NOS1: variants seen among roughly 807,000 people sequenced by gnomAD.
NOS1 encodes the protein nitric oxide synthase 1.
A neutral mutation model predicts 164.5 loss-of-function variants in NOS1; 51 were observed. The observed-to-expected ratio is 0.31, with a 90% CI of 0.25 to 0.39. The LOEUF (loss-of-function observed/expected upper bound fraction) is 0.39. NOS1 is among the 10% of genes least tolerant of loss of function. The pLI is 1.00. For synonymous variants in NOS1, 719 were observed against 745.8 expected (o/e 0.96, Z 0.59); for missense variants, 1,362 against 1,885.6 (o/e 0.72, Z 5.14).
chr12:117,226,772 T>C lies in NOS1; in HGVS notation c.3617-2A>G. 2 of 1,613,088 alleles carry C rather than the reference T, an allele frequency of 1.2e-6. No homozygotes were observed. Among genetic ancestry groups the C allele is most frequent in the Non-Finnish European group, 1.7e-6 (2 of 1,179,242 alleles). On this transcript the variant is annotated splice_acceptor_variant, in intron 23 of 28. Transcript: ENST00000317775. LOFTEE classifies it high-confidence loss of function. ...CGTGGTGAATTGGTCCTTCTCCATCTAGTAGAATAACCAAGGCAGTCAGGG... is the reference window on the plus strand; with the variant it reads ...CGTGGTGAATTGGTCCTTCTCCATCCAGTAGAATAACCAAGGCAGTCAGGG...
intron 17 of NOS1, among the ~76,000 whole-genome samples, chr12:117,249,962 T>C (rs1870958258): frequency 6.6e-6 from 1 of 152,202 alleles, no homozygotes; most frequent in African/African-American, 2.4e-5. Context: ...CAGAGTGTTC[T>C]GCTGTAGACT....
chr12:117,361,024 G>T (rs914331004), intron 1 of NOS1, among the ~76,000 whole-genome samples: 1 of 152,160 alleles, frequency 6.6e-6, no homozygotes, highest in African/African-American at 2.4e-5. Context: ...AAGTTGGGAC[G>T]CGCAGCAAAG....
intron 13 of NOS1, among the ~76,000 whole-genome samples, chr12:117,261,320 A>T (rs1222131160): frequency 6.6e-6 from 1 of 152,018 alleles, no homozygotes; most frequent in Non-Finnish European, 1.5e-5. Flanking sequence ...TCAAAAGATG[A>T]TCGTTCATCC....
At position 117,331,284 on chromosome 12, in the gene NOS1, CCT is replaced by C. The variant is rs1264928320; in HGVS notation, c.-217_-216del. 3.4e-6 allele frequency: 2 copies of C among 581,718 alleles called. No individual in the cohort carries two copies. Among genetic ancestry groups the C allele is most frequent in the Non-Finnish European group, 6.1e-6 (2 of 330,216 alleles). The allele number at this position is 581,718 out of a possible 1,614,324, so 36.0% of individuals were successfully genotyped here. On this transcript the variant is annotated 5_prime_UTR_variant, in exon 2 of 29. Transcript: ENST00000317775. ...TCGGTGGCATGATTTCCTGCATCCGCCTCTCTCCTTATTCTCTAAGGAAGTGA... is the reference window on the plus strand; with the variant it reads ...TCGGTGGCATGATTTCCTGCATCCGCCTCTCCTTATTCTCTAAGGAAGTGA...
chr12:117,224,907 G>A (rs2293046), intron 25 of NOS1, 109 bp downstream of exon 25: 525,051 of 1,414,238 alleles, frequency 0.37, 107,294 homozygotes, highest in African/African-American at 0.74. Flanking sequence ...TTTCTGAGGC[G>A]GTGATGCCGT....
chr12:117,276,993 T>G (rs1362957289), intron 9 of NOS1, among the ~76,000 whole-genome samples: 2 of 152,186 alleles, frequency 1.3e-5, no homozygotes, highest in African/African-American at 4.8e-5. Context: ...TTCTTTTGGG[T>G]ATATACCCAG....
At chr12:117,258,809 A>G (rs984262322) in intron 15 of NOS1, among the ~76,000 whole-genome samples, 4 of 152,184 alleles carry the variant, frequency 2.6e-5, no homozygotes, top group African/African-American at 4.8e-5. Context: ...AGGTGACAAT[A>G]TTTTCACCAG....
At chr12:117,278,211 G>C in intron 8 of NOS1, 113 bp from the exon 9 acceptor site, 2 of 1,246,416 alleles carry the variant, frequency 1.6e-6, no homozygotes, top group African/African-American at 3.0e-5. Flanking sequence ...GCCCCCAGGA[G>C]ACATTTCCTC....
At chr12:117,218,203 C>T in intron 27 of NOS1, 39 bp from the exon 28 acceptor site, 1 of 1,468,412 alleles carries the variant, frequency 6.8e-7, no homozygotes, top group Non-Finnish European at 9.5e-7. Flanking sequence ...CTCTCAAATG[C>T]CAGATAAAGG....
chr12:117,218,093 T>C lies in NOS1; in HGVS notation c.4242A>G (p.Arg1414=). The change falls in exon 28 of 29, where the codon AGA becomes AGG. Residue 1414 remains arginine (R), a synonymous_variant. Coordinates refer to ENST00000317775, the MANE Select transcript of NOS1 (RefSeq NM_000620.5). The part of the protein sequence containing the change: ...LRTYEVTNRL[R]SESIAFIEES... ...CTTCAATGAAGGCAATGGACTCAGA[T>C]CTAAGGCGGTTGGTCACTTCGTACG... 1 of 1,614,140 alleles carries C rather than the reference T, an allele frequency of 6.2e-7. No homozygotes were observed. The highest frequency in any genetic ancestry group is 8.5e-7 in the Non-Finnish European group (1 of 1,180,034).
chr12:117,237,388 C>T (rs943287359), intron 20 of NOS1, among the ~76,000 whole-genome samples: 10 of 152,128 alleles, frequency 6.6e-5, no homozygotes, highest in Admixed American at 5.9e-4. Context: ...GCCTCAACCT[C>T]CCAAAGTGCT....
intron 28 of NOS1, among the ~76,000 whole-genome samples, chr12:117,216,243 C>T (rs373223513): frequency 5.5e-5 from 8 of 146,716 alleles, no homozygotes; most frequent in South Asian, 2.2e-4. Flanking sequence ...AGTGCAGTGG[C>T]GGGATCTTGG....
intron 20 of NOS1, among the ~76,000 whole-genome samples, chr12:117,241,361 T>C (rs1378752308): frequency 1.3e-5 from 2 of 151,704 alleles, no homozygotes; most frequent in African/African-American, 4.8e-5. Flanking sequence ...CATAGCTCAC[T>C]GCAATATGCT....
In NOS1 at chr12:117,211,056, A is replaced by C; in HGVS notation, c.*4253T>G. The C allele has an allele frequency of 3.0e-6, 2 of 658,126 alleles. No homozygotes were observed. Among genetic ancestry groups the C allele is most frequent in the Non-Finnish European group, 3.8e-6 (2 of 531,534 alleles). The allele number at this position is 658,126 out of a possible 1,614,324, so 40.8% of individuals were successfully genotyped here. A position where few individuals can be genotyped will look rare whatever the true frequency, so the allele number is the denominator to read the frequency against. Reference sequence around the variant, plus strand: ...ACTGCAGCCTCCACCTCCTGGGCTCAAGCGATCCTCCTTCCTCAGCCTCCC... The same window carrying C: ...ACTGCAGCCTCCACCTCCTGGGCTCCAGCGATCCTCCTTCCTCAGCCTCCC... On this transcript the variant is annotated 3_prime_UTR_variant, in exon 29 of 29. Coordinates refer to ENST00000317775, the MANE Select transcript of NOS1 (RefSeq NM_000620.5).
intron 2 of NOS1, among the ~76,000 whole-genome samples, chr12:117,317,863 G>A (rs1874738020): frequency 6.6e-6 from 1 of 152,086 alleles, no homozygotes; most frequent in Non-Finnish European, 1.5e-5. Flanking sequence ...CAAATCAACT[G>A]AGAGGCTTGC....
At chr12:117,258,555 T>C in intron 15 of NOS1, 100 bp from the exon 16 acceptor site, 2 of 1,227,126 alleles carry the variant, frequency 1.6e-6, no homozygotes, top group East Asian at 2.4e-5. Flanking sequence ...AAGAGGAGAC[T>C]GATGCCCGGA....
At chr12:117,281,898 T>C (rs909751990) in intron 7 of NOS1, among the ~76,000 whole-genome samples, 1 of 151,468 alleles carries the variant, frequency 6.6e-6, no homozygotes, top group African/African-American at 2.4e-5. Flanking sequence ...CCAGCCATCA[T>C]TAATTTTATC....
Position 117,331,102 on chromosome 12 carries a change from A to C in NOS1, c.-33T>G. On this transcript the variant is annotated 5_prime_UTR_variant, in exon 2 of 29. Transcript: ENST00000317775. Reference sequence around the variant, plus strand: ...AGCTTCCGAGGGGTCCTGTCTGAAGACCTCACAATGCTATCAGGCCAAGAT... The same window carrying C: ...AGCTTCCGAGGGGTCCTGTCTGAAGCCCTCACAATGCTATCAGGCCAAGAT... 3.8e-6 allele frequency: 6 copies of C among 1,579,852 alleles called. No homozygotes were observed. Among genetic ancestry groups the C allele is most frequent in the Non-Finnish European group, 5.2e-6 (6 of 1,160,932 alleles).
Position 117,234,876 on chromosome 12 carries a change from C to A in NOS1, c.3042-118G>T. 1 of 726,832 alleles carries A rather than the reference C, an allele frequency of 1.4e-6. No individual in the cohort carries two copies. Among genetic ancestry groups the A allele is most frequent in the Non-Finnish European group, 2.2e-6 (1 of 453,092 alleles). The allele number at this position is 726,832 out of a possible 1,614,324, so 45.0% of individuals were successfully genotyped here. ...TCCTCCTTCCATTCTTGTTGGGGCCCGTGCTAACCAAGCCTATGCCCCCAT... is the reference window on the plus strand; with the variant it reads ...TCCTCCTTCCATTCTTGTTGGGGCCAGTGCTAACCAAGCCTATGCCCCCAT... On this transcript the variant is annotated intron_variant, in intron 20 of 28. Coordinates refer to ENST00000317775, the MANE Select transcript of NOS1 (RefSeq NM_000620.5). This position sits in a 1 kb window ranked among gnomAD's most constrained non-coding sequence, Gnocchi z 4.3.
Sources: allele counts gnomAD v4.1 joint callset (sites outside exome capture counted in the v4.1 genomes callset), GRCh38; gene constraint gnomAD v4.1.1; non-coding constraint Gnocchi (gnomAD v3.1); transcripts MANE v1.5; gene names NCBI Gene and HGNC (gene_info 2026-07-23, HGNC 2026-07-21).